Variants in SFRP2 observed in about 807,000 individuals in gnomAD.
SFRP2 encodes secreted frizzled related protein 2.
A neutral mutation model predicts 26.0 loss-of-function variants in SFRP2; 16 were observed. The observed-to-expected ratio is 0.61, with a 90% confidence interval of 0.42 to 0.93. The LOEUF (loss-of-function observed/expected upper bound fraction) is 0.93, where lower values mean the gene tolerates loss of function less well. Ranked by LOEUF, SFRP2 falls within the 40% of genes least tolerant of loss-of-function variation. The probability of loss-of-function intolerance (pLI) is 0.00; values close to 1 mark genes in which losing one functional copy is unlikely to be tolerated. For missense variants in SFRP2, 343 were observed against 392.4 expected, an observed-to-expected ratio of 0.87 and a Z score of 1.06; for synonymous variants, 173 against 167.3, an observed-to-expected ratio of 1.03 and a Z score of -0.26.
chr4:153,785,870 C>A lies in SFRP2; in HGVS notation c.577G>T (p.Asp193Tyr). The A allele has an allele frequency of 6.3e-7, 1 of 1,586,374 alleles. No homozygotes were observed. ...NDIMETLCKN[D>Y]FALKIKVKEI... ...TTGTTGTTGTATTACTTACCAAAATCATTTTTACAAAGCGTTTCCATTATG... is the reference window on the plus strand; with the variant it reads ...TTGTTGTTGTATTACTTACCAAAATAATTTTTACAAAGCGTTTCCATTATG... Residue 193 changes from aspartate (D) to tyrosine (Y), a missense_variant, in exon 2 of 3, where the codon GAT (aspartate) becomes TAT (tyrosine). By Grantham distance (160) the Asp-to-Tyr change is radical. Transcript: ENST00000274063.
At position 153,781,486 on chromosome 4, in the gene SFRP2, G is replaced by C. The variant is rs768984513; in HGVS notation, c.853C>G (p.Arg285Gly). The C allele has an allele frequency of 2.5e-6, 4 of 1,613,852 alleles. No homozygotes were observed. Among genetic ancestry groups the C allele is most frequent in the Non-Finnish European group, 3.4e-6 (4 of 1,180,014 alleles). Residue 285 changes from arginine (R) to glycine (G), a missense_variant, in exon 3 of 3, where the codon CGC (arginine) becomes GGC (glycine). By Grantham distance (125) the Arg-to-Gly change is moderately radical (BLOSUM62 -2). Around this residue, in one of 2 missense-constraint regions of SFRP2, gnomAD observed 92 missense variants for 139.0 expected, o/e 0.66. Coordinates refer to ENST00000274063, the MANE Select transcript of SFRP2 (RefSeq NM_003013.3). ...RWQKGQREFK[R>G]ISRSIRKLQC ...AGCTTGCGGATGCTGCGGGAGATGC[G>C]CTTGAACTCTCTCTGCCCCTTCTGC...
intron 2 of SFRP2, among the ~76,000 whole-genome samples, chr4:153,782,358 C>T (rs74636475): frequency 0.037 from 5,656 of 152,258 alleles, 273 homozygotes; most frequent in East Asian, 0.21. Context: ...CGTGGTTAGT[C>T]ATAAAAGTGT....
chr4:153,781,608 T>C lies in SFRP2; in HGVS notation c.731A>G (p.Gln244Arg). 1 of 1,614,214 alleles carries C rather than the reference T, an allele frequency of 6.2e-7. No individual in the cohort carries two copies. The highest frequency in any genetic ancestry group is 8.5e-7 in the Non-Finnish European group (1 of 1,180,028). ...GTCGTTCATCTCCTCACAGGTGCAC[T>C]GCAAGCTGTCTTTGAGCCACAGCAC... ...KSVLWLKDSL[Q>R]CTCEEMNDIN... The change falls in exon 3 of 3, where the codon CAG becomes CGG. Residue 244 changes from glutamine (Q) to arginine (R), a missense_variant. Physicochemically the swap from Gln to Arg is conservative, Grantham distance 43 (BLOSUM62 1). Around this residue, in one of 2 missense-constraint regions of SFRP2, gnomAD observed 92 missense variants for 139.0 expected, o/e 0.66. Transcript: ENST00000274063.
chr4:153,785,811 T>C, intron 2 of SFRP2, 53 bp downstream of exon 2: 1 of 1,212,464 alleles, frequency 8.2e-7, no homozygotes, highest in Middle Eastern at 2.5e-4. Flanking sequence ...GAAGTTTTAC[T>C]GGTAAATAAA....
rs1455728690 is a variant in SFRP2, at chr4:153,781,561, T to C, written c.778A>G (p.Met260Val). ...MNDINAPYLV[M>V]GQKQGGELVI... ...AGCTCCCCACCCTGTTTCTGTCCCA[T>C]GACCAGATAGGGCGCGTTGATGTCG... Residue 260 changes from methionine (M) to valine (V), a missense_variant, in exon 3 of 3, where the codon ATG becomes GTG. By Grantham distance (21) the Met-to-Val change is conservative (BLOSUM62 1). Coordinates refer to ENST00000274063, the MANE Select transcript of SFRP2 (RefSeq NM_003013.3). The C allele has an allele frequency of 6.2e-7, 1 of 1,614,186 alleles. No individual in the cohort carries two copies. Among genetic ancestry groups the C allele is most frequent in the African/African-American group, 1.3e-5 (1 of 75,052 alleles).
At chr4:153,785,814 T>A in intron 2 of SFRP2, 50 bp downstream of exon 2, 1 of 1,241,524 alleles carries the variant, frequency 8.1e-7, no homozygotes, top group Non-Finnish European at 1.1e-6. Context: ...GTTTTACTGG[T>A]AAATAAAACT....
rs1741266673 is a variant in SFRP2 at position 153,788,898 on chromosome 4, G to A, written c.-63C>T. 6.8e-7 allele frequency: 1 copy of A among 1,472,520 alleles called. No homozygotes were observed. The highest frequency in any genetic ancestry group is 9.0e-7 in the Non-Finnish European group (1 of 1,114,556). 91.2% of individuals were successfully genotyped at this position (1,472,520 alleles called of 1,614,324 possible). ...GCCGGGGAAGGGCGAGGCGGCCGGAGTTCGAGCTTGTCCCGGGCCCGCTCT... is the reference window on the plus strand; with the variant it reads ...GCCGGGGAAGGGCGAGGCGGCCGGAATTCGAGCTTGTCCCGGGCCCGCTCT... On this transcript the variant is annotated 5_prime_UTR_variant, in exon 1 of 3. Coordinates refer to ENST00000274063, the MANE Select transcript of SFRP2 (RefSeq NM_003013.3).
At position 153,788,370 on chromosome 4, in the gene SFRP2, C is replaced by G. The variant is rs1741248092; in HGVS notation, c.466G>C (p.Ala156Pro). Residue 156 changes from alanine (A) to proline (P), a missense_variant, in exon 1 of 3, where the codon GCT (alanine) becomes CCT (proline). Transcript: ENST00000274063. ...PQDNDLCIPL[A>P]SSDHLLPATE... ...GCTGGCAGGAGGTGGTCGCTGCTAG[C>G]GAGGGGGATGCAAAGGTCGTTGTCC... is the stretch of plus-strand genomic sequence containing the variant. 6 of 1,613,028 alleles carry G rather than the reference C, an allele frequency of 3.7e-6. No homozygotes were observed. The highest frequency in any genetic ancestry group is 5.1e-6 in the Non-Finnish European group (6 of 1,179,658).
intron 2 of SFRP2, among the ~76,000 whole-genome samples, chr4:153,782,758 T>TA (rs912863861): frequency 6.6e-6 from 1 of 152,222 alleles, no homozygotes; most frequent in African/African-American, 2.4e-5. Context: ...CCTCCTCCTG[T>TA]AATACCACTG....
intron 1 of SFRP2, 99 bp downstream of exon 1, chr4:153,788,235 C>T (rs1481221797): frequency 2.8e-6 from 4 of 1,405,920 alleles, no homozygotes; most frequent in East Asian, 2.3e-5. Flanking sequence ...CCGCTACTGG[C>T]ACCCCAAGCA....
chr4:153,783,758 T>C (rs1180490664), intron 2 of SFRP2, among the ~76,000 whole-genome samples: 4 of 152,200 alleles, frequency 2.6e-5, no homozygotes, highest in Non-Finnish European at 5.9e-5. Flanking sequence ...TGCTTGTTCC[T>C]CCTACTTTTC....
At chr4:153,786,524 TG>T (rs914828948) in intron 1 of SFRP2, among the ~76,000 whole-genome samples, 6 of 152,186 alleles carry the variant, frequency 3.9e-5, no homozygotes, top group Non-Finnish European at 8.8e-5. Flanking sequence ...GTTCCACATG[TG>T]GGCTGTTTCC....
intron 2 of SFRP2, among the ~76,000 whole-genome samples, chr4:153,784,004 C>T (rs968160260): frequency 1.4e-4 from 21 of 152,124 alleles, no homozygotes; most frequent in African/African-American, 4.8e-4. Flanking sequence ...CACAGGCATC[C>T]ATGTTTTGGC....
In SFRP2 at chr4:153,788,546, G is replaced by A; in HGVS notation, c.290C>T (p.Ser97Leu). The A allele has an allele frequency of 6.2e-7, 1 of 1,614,182 alleles. No homozygotes were observed. Among genetic ancestry groups the A allele is most frequent in the Non-Finnish European group, 8.5e-7 (1 of 1,180,044 alleles). ...ATCGAGGCAGACGGGGGCGAAGAGC[G>A]AGCACAGGAACTTCTTGGTGTCCGG... ...CHPDTKKFLC[S>L]LFAPVCLDDL... Residue 97 changes from serine (S) to leucine (L), a missense_variant, in exon 1 of 3, where the codon TCG becomes TTG. By Grantham distance (145) the Ser-to-Leu change is moderately radical. Coordinates refer to ENST00000274063, the MANE Select transcript of SFRP2 (RefSeq NM_003013.3).
At chr4:153,783,882 G>A (rs1432234907) in intron 2 of SFRP2, among the ~76,000 whole-genome samples, 6 of 152,166 alleles carry the variant, frequency 3.9e-5, no homozygotes, top group African/African-American at 1.4e-4. Context: ...AAAGAGTGAA[G>A]AAATAGAAAA....
Position 153,781,688 on chromosome 4 carries a change from C to G in SFRP2, c.651G>C (p.Lys217Asn). The G allele has an allele frequency of 6.2e-7, 1 of 1,614,158 alleles. No homozygotes were observed. The highest frequency in any genetic ancestry group is 8.5e-7 in the Non-Finnish European group (1 of 1,180,014). Residue 217 changes from lysine to asparagine, a missense_variant, in exon 3 of 3, where the codon AAG (lysine) becomes AAC (asparagine). This residue lies in a region of SFRP2 where 92 missense variants were observed against 139.0 expected (regional missense o/e 0.66). Coordinates refer to ENST00000274063, the MANE Select transcript of SFRP2 (RefSeq NM_003013.3). ...NRDTKIILET[K>N]SKTIYKLNGV... The stretch of plus-strand genomic sequence containing the variant: ...CGTTCAGCTTGTAAATGGTCTTGCT[C>G]TTGGTCTCCAGGATGATTTTGGTAT...
chr4:153,781,799 A>C lies in SFRP2; in HGVS notation c.584-44T>G, dbSNP rs929111459. 3.3e-6 allele frequency: 5 copies of C among 1,521,300 alleles called. No individual in the cohort carries two copies. In the African/African-American group the frequency reaches 6.8e-5, roughly 21 times the overall value. 94.2% of individuals were successfully genotyped at this position (1,521,300 alleles called of 1,614,324 possible). ...AGAGTCATGCCAGTTATAATGAGGG[A>C]ATACAGTATACCTCCCCCCATTCTG... is the stretch of plus-strand genomic sequence containing the variant. On this transcript the variant is annotated intron_variant, in intron 2 of 2. Coordinates refer to ENST00000274063, the MANE Select transcript of SFRP2 (RefSeq NM_003013.3).
At chr4:153,788,288 GC>G in intron 1 of SFRP2, 45 bp downstream of exon 1, 1 of 1,575,642 alleles carries the variant, frequency 6.3e-7, no homozygotes, top group East Asian at 2.3e-5. Context: ...TCTCCTGGGA[GC>G]GTCTCAGCCC....
chr4:153,782,225 A>G (rs1460399257), intron 2 of SFRP2, among the ~76,000 whole-genome samples: 1 of 152,220 alleles, frequency 6.6e-6, no homozygotes, highest in African/African-American at 2.4e-5. Context: ...CTGTAAGGAA[A>G]CTGTGTCACG....
Sources: gnomAD v4.1 joint callset for allele counts (sites outside exome capture counted in the v4.1 genomes callset) on GRCh38, gnomAD v4.1.1 for gene constraint, gnomAD v4.1.1 regional missense constraint, MANE v1.5 for transcripts, NCBI Gene and HGNC (gene_info 2026-07-23, HGNC 2026-07-21) for gene names.